Variants in ANKS1B observed in about 807,000 individuals in gnomAD.
ANKS1B encodes the protein ankyrin repeat and sterile alpha motif domain containing 1B.
A neutral mutation model predicts 148.3 loss-of-function variants in ANKS1B; 36 were observed. That is an observed-to-expected ratio of 0.24 (90% confidence interval 0.19 to 0.32). The LOEUF (loss-of-function observed/expected upper bound fraction) is 0.32. Ranked by LOEUF, ANKS1B falls within the 10% of genes least tolerant of loss-of-function variation. ANKS1B has a pLI of 1.00. For missense variants in ANKS1B, 1,157 were observed against 1,542.6 expected (o/e 0.75, Z 4.19); for synonymous variants, 542 against 560.8 (o/e 0.97, Z 0.47).
At chr12:99,048,887 A>G (rs890484241) in intron 17 of ANKS1B, 4 of 152,250 alleles carry the variant, frequency 2.6e-5, no homozygotes, top group African/African-American at 9.6e-5. Context: ...TTTACCTGAT[A>G]TATGCCTGGA....
chr12:99,515,041 T>C (rs1045260045), intron 9 of ANKS1B, among the ~76,000 whole-genome samples: 2 of 152,022 alleles, frequency 1.3e-5, no homozygotes, highest in Non-Finnish European at 2.9e-5. Flanking sequence ...ATGCAACTTT[T>C]GTGGGTGTAT....
chr12:99,079,715 C>T (rs1208582980), intron 16 of ANKS1B: 1 of 152,076 alleles, frequency 6.6e-6, no homozygotes, highest in Non-Finnish European at 1.5e-5. Flanking sequence ...AAATTTGCCC[C>T]ATGGGGTTAA....
At chr12:99,593,227 T>A (rs1482001981) in intron 9 of ANKS1B, among the ~76,000 whole-genome samples, 1 of 151,446 alleles carries the variant, frequency 6.6e-6, no homozygotes, top group African/African-American at 2.4e-5. Flanking sequence ...AGAGGTCCAT[T>A]CAGATGGTTG....
intron 17 of ANKS1B, among the ~76,000 whole-genome samples, chr12:98,956,938 T>C (rs1441580256): frequency 6.6e-5 from 10 of 152,154 alleles, no homozygotes; most frequent in Non-Finnish European, 1.0e-4. Context: ...AAGAATACCA[T>C]CTCAACTTTT....
intron 12 of ANKS1B, among the ~76,000 whole-genome samples, chr12:99,337,300 G>A (rs2089095787): frequency 6.6e-6 from 1 of 151,292 alleles, no homozygotes. Flanking sequence ...TGCATTCTTT[G>A]GTATGTCAAC....
intron 4 of ANKS1B, among the ~76,000 whole-genome samples, chr12:99,782,600 G>A (rs1049313587): frequency 6.6e-6 from 1 of 152,136 alleles, no homozygotes; most frequent in Non-Finnish European, 1.5e-5. Context: ...TCTTATGTGA[G>A]TATTTCACCT....
At chr12:99,336,778 A>T (rs902388748) in intron 12 of ANKS1B, among the ~76,000 whole-genome samples, 2 of 152,124 alleles carry the variant, frequency 1.3e-5, no homozygotes, top group Non-Finnish European at 2.9e-5. Context: ...TGGATATACT[A>T]TTCAAGGGTA....
At chr12:99,719,437 A>G (rs2057826482) in intron 8 of ANKS1B, among the ~76,000 whole-genome samples, 1 of 151,860 alleles carries the variant, frequency 6.6e-6, no homozygotes, top group Admixed American at 6.6e-5. Context: ...CCATTTTCCC[A>G]TATTCTTTCA....
At chr12:99,813,589 A>G (rs2078649541) in intron 2 of ANKS1B, among the ~76,000 whole-genome samples, 1 of 151,546 alleles carries the variant, frequency 6.6e-6, no homozygotes, top group Non-Finnish European at 1.5e-5. Context: ...CAGATATGAT[A>G]TGATACAAAA....
chr12:99,532,480 C>G (rs1463221890), intron 9 of ANKS1B, among the ~76,000 whole-genome samples: 1 of 152,166 alleles, frequency 6.6e-6, no homozygotes, highest in Non-Finnish European at 1.5e-5. Context: ...CCTGCCTCAG[C>G]CTCCCGAATA....
intron 1 of ANKS1B, among the ~76,000 whole-genome samples, chr12:99,846,986 T>C (rs1273900466): frequency 6.6e-6 from 1 of 152,090 alleles, no homozygotes; most frequent in Non-Finnish European, 1.5e-5. Flanking sequence ...CAAGAAAAAC[T>C]TGAAGTGTGT....
intron 12 of ANKS1B, among the ~76,000 whole-genome samples, chr12:99,262,000 C>T (rs1292227408): frequency 6.6e-6 from 1 of 152,130 alleles, no homozygotes; most frequent in South Asian, 2.1e-4. Context: ...CTTGCTGTTA[C>T]TCCAATGCAT....
downstream of ANKS1B, among the ~76,000 whole-genome samples, chr12:98,740,030 C>T (rs2097790282): frequency 6.6e-6 from 1 of 152,050 alleles, no homozygotes; most frequent in Admixed American, 6.5e-5. Context: ...ACTTGATTCT[C>T]TTTGGGCGAC....
chr12:98,952,819 T>A (rs990527379), intron 17 of ANKS1B, among the ~76,000 whole-genome samples: 2 of 152,114 alleles, frequency 1.3e-5, no homozygotes, highest in African/African-American at 4.8e-5. Flanking sequence ...CTACCATAAT[T>A]CTCCTAGTCA....
At chr12:98,779,007 T>C (rs1214558417) in intron 24 of ANKS1B, among the ~76,000 whole-genome samples, 1 of 152,204 alleles carries the variant, frequency 6.6e-6, no homozygotes, top group Non-Finnish European at 1.5e-5. Flanking sequence ...CATGTTGTCA[T>C]ACATTCACAG....
At chr12:98,943,468 T>C (rs2099840237) in intron 17 of ANKS1B, among the ~76,000 whole-genome samples, 1 of 152,190 alleles carries the variant, frequency 6.6e-6, no homozygotes, top group African/African-American at 2.4e-5. Context: ...GATTAAGGTG[T>C]TGGCAGGGTA....
chr12:99,321,681 G>A (rs1365488138), intron 12 of ANKS1B, among the ~76,000 whole-genome samples: 1 of 152,094 alleles, frequency 6.6e-6, no homozygotes, highest in Non-Finnish European at 1.5e-5. Flanking sequence ...GCCCTGCTCT[G>A]TGGGCTGCAC....
chr12:99,797,766 A>G (rs1208858390), intron 4 of ANKS1B, among the ~76,000 whole-genome samples: 2 of 151,978 alleles, frequency 1.3e-5, no homozygotes, highest in African/African-American at 2.4e-5. Flanking sequence ...TGTTGATGAA[A>G]GCAAAAGAAA....
intron 9 of ANKS1B, among the ~76,000 whole-genome samples, chr12:99,555,074 T>C (rs1042952503): frequency 6.6e-6 from 1 of 152,170 alleles, no homozygotes; most frequent in South Asian, 2.1e-4. Flanking sequence ...GGCATTTATA[T>C]TGGTTCCATG....
Sources: allele counts gnomAD v4.1 joint callset (sites outside exome capture counted in the v4.1 genomes callset), GRCh38; gene constraint gnomAD v4.1.1; transcripts MANE v1.5; gene names NCBI Gene and HGNC (gene_info 2026-07-23, HGNC 2026-07-21).